Variants in IRAG1 observed in about 807,000 individuals in gnomAD.
IRAG1 encodes inositol 1,4,5-triphosphate receptor associated 1.
A neutral mutation model predicts 106.2 loss-of-function variants in IRAG1; 62 were observed. The ratio of observed to expected loss-of-function variants is 0.58; its 90% CI spans 0.48 to 0.72. The LOEUF (loss-of-function observed/expected upper bound fraction) is 0.72, where lower values mean the gene tolerates loss of function less well. IRAG1 is among the 30% of genes least tolerant of loss of function. IRAG1 has a pLI of 0.00. For synonymous variants in IRAG1, 462 were observed against 443.9 expected, an observed-to-expected ratio of 1.04 and a Z score of -0.51; for missense variants, 1,064 against 1,140.7, an observed-to-expected ratio of 0.93 and a Z score of 0.97.
intron 2 of IRAG1, among the ~76,000 whole-genome samples, chr11:10,637,081 C>T (rs1857199755): frequency 6.6e-6 from 1 of 152,226 alleles, no homozygotes; most frequent in African/African-American, 2.4e-5. Flanking sequence ...TTGAGAATAA[C>T]TTAACTACCC....
chr11:10,690,270 A>T, intron 1 of IRAG1: 1 of 562,466 alleles, frequency 1.8e-6, no homozygotes, highest in Non-Finnish European at 2.8e-6. Context: ...CTCACCTGTA[A>T]TCCCAGCTAC....
intron 1 of IRAG1, among the ~76,000 whole-genome samples, chr11:10,664,060 G>A (rs1291625712): frequency 6.6e-6 from 1 of 152,168 alleles, no homozygotes; most frequent in African/African-American, 2.4e-5. Flanking sequence ...ATTAGGAGAT[G>A]TTTTTTGATA....
At chr11:10,678,163 G>A (rs1564941224) in intron 1 of IRAG1, among the ~76,000 whole-genome samples, 3 of 152,128 alleles carry the variant, frequency 2.0e-5, no homozygotes. Flanking sequence ...TTGAACACCT[G>A]TTTTCAATTC....
chr11:10,589,283 A>G (rs1852374867), intron 18 of IRAG1: 2 of 152,184 alleles, frequency 1.3e-5, no homozygotes, highest in African/African-American at 4.8e-5. Context: ...ACTATAACAC[A>G]TTATTTCTCT....
intron 2 of IRAG1, among the ~76,000 whole-genome samples, chr11:10,641,065 G>A (rs143600944): frequency 9.0e-4 from 137 of 152,186 alleles, no homozygotes; most frequent in Admixed American, 3.7e-3. Flanking sequence ...TCTCTCGACT[G>A]AATCTTGCTA....
At position 10,576,068 on chromosome 11, in the gene IRAG1, C is replaced by A; in HGVS notation, c.*264G>T. ...GCCACCTGAGCTAGGGGCAGGAGAC[C>A]TTCCCTTCCAATAGAGTTCCTTGGT... On this transcript the variant is annotated 3_prime_UTR_variant, in exon 21 of 21. Coordinates refer to ENST00000423302, the MANE Select transcript of IRAG1 (RefSeq NM_130385.4). 1 of 474,700 alleles carries A rather than the reference C, an allele frequency of 2.1e-6. No individual in the cohort carries two copies. Among genetic ancestry groups the A allele is most frequent in the East Asian group, 3.8e-5 (1 of 26,622 alleles). 29.4% of individuals were successfully genotyped at this position (474,700 alleles called of 1,614,324 possible).
chr11:10,598,973 A>G (rs946539578), intron 15 of IRAG1, among the ~76,000 whole-genome samples: 1 of 152,256 alleles, frequency 6.6e-6, no homozygotes, highest in Admixed American at 6.5e-5. Flanking sequence ...GAACAGTCAT[A>G]GAGTATCTTA....
At chr11:10,595,188 G>T (rs1471387124) in intron 15 of IRAG1, among the ~76,000 whole-genome samples, 1 of 149,840 alleles carries the variant, frequency 6.7e-6, no homozygotes, top group African/African-American at 2.5e-5. Context: ...GCCGCCCAAG[G>T]TGCTAGAATT....
At chr11:10,587,952 T>C (rs1429323160) in intron 18 of IRAG1, among the ~76,000 whole-genome samples, 4 of 152,218 alleles carry the variant, frequency 2.6e-5, no homozygotes, top group Admixed American at 6.5e-5. Flanking sequence ...TCCTCATCTA[T>C]AAAACAGAGA....
chr11:10,677,174 G>A (rs979541642), intron 1 of IRAG1, among the ~76,000 whole-genome samples: 2 of 151,954 alleles, frequency 1.3e-5, no homozygotes, highest in East Asian at 3.9e-4. Context: ...ACTCTGAAAC[G>A]CTCCCTCCAC....
chr11:10,688,543 C>A (rs1861831444), intron 1 of IRAG1, among the ~76,000 whole-genome samples: 3 of 152,048 alleles, frequency 2.0e-5, no homozygotes, highest in African/African-American at 7.2e-5. Flanking sequence ...CTCTGGGAAC[C>A]ACATCCCACC....
At chr11:10,578,037 CA>C (rs35666196) in intron 20 of IRAG1, among the ~76,000 whole-genome samples, 1,998 of 152,268 alleles carry the variant, frequency 0.013, 26 homozygotes, top group Middle Eastern at 0.02. Flanking sequence ...TCCTCCAAAA[CA>C]AGGTGCCAGA....
intron 8 of IRAG1, among the ~76,000 whole-genome samples, 157 bp downstream of exon 8, chr11:10,627,559 A>G (rs1016877889): frequency 1.3e-5 from 2 of 151,744 alleles, no homozygotes; most frequent in Non-Finnish European, 2.9e-5. Flanking sequence ...TCTAGTCACT[A>G]TAAGGCAGGG....
intron 13 of IRAG1, 67 bp downstream of exon 13, chr11:10,604,338 A>G: frequency 6.3e-7 from 1 of 1,592,972 alleles, no homozygotes; most frequent in Non-Finnish European, 8.6e-7. Context: ...GAGAAGCATG[A>G]CACCCTGTAT....
intron 10 of IRAG1, among the ~76,000 whole-genome samples, chr11:10,620,304 T>G (rs942085687): frequency 1.3e-5 from 2 of 152,034 alleles, no homozygotes; most frequent in Admixed American, 1.3e-4. Context: ...TTACAATTCC[T>G]CTAAAATAAC....
rs11403147 is a variant in IRAG1 at position 10,685,726 on chromosome 11, G to GAAAA, written c.67+7806_67+7809dup. ...GTCAGAGTGAGACCCTGCCTCTCTT[G>GAAAA]AAAAAAAAAAAAAAAAATTGTATAC... is the stretch of plus-strand genomic sequence containing the variant. On this transcript the variant is annotated intron_variant, in intron 1 of 20. Coordinates refer to ENST00000423302, the MANE Select transcript of IRAG1 (RefSeq NM_130385.4). Among the ~76,000 whole-genome samples the GAAAA allele has an allele frequency of 1.5e-3, 207 of 135,822 alleles. 2 individuals are homozygous for GAAAA. The highest frequency in any genetic ancestry group is 0.015 in the Middle Eastern group (4 of 264). 89.1% of individuals were successfully genotyped at this position (135,822 alleles called of 152,430 possible).
At chr11:10,682,576 G>C (rs1861346112) in intron 1 of IRAG1, among the ~76,000 whole-genome samples, 1 of 152,092 alleles carries the variant, frequency 6.6e-6, no homozygotes. Flanking sequence ...TAACTGCAAG[G>C]AAATGGGGCT....
At position 10,622,076 on chromosome 11, in the gene IRAG1, T is replaced by C. The variant is rs115151358; in HGVS notation, c.1447+1702A>G. ...ATGTACTTACTGCCACTGAACTGTA[T>C]ACTTAAAAATGGCTAAAATGGCAAG... On this transcript the variant is annotated intron_variant, in intron 10 of 20. Transcript: ENST00000423302. Among the ~76,000 whole-genome samples the C allele has an allele frequency of 9.9e-3, 1,504 of 152,320 alleles. 31 individuals are homozygous for C. The highest frequency in any genetic ancestry group is 0.034 in the African/African-American group (1,408 of 41,566).
At chr11:10,682,729 G>C (rs186845098) in intron 1 of IRAG1, among the ~76,000 whole-genome samples, 1 of 152,336 alleles carries the variant, frequency 6.6e-6, no homozygotes, top group Non-Finnish European at 1.5e-5. Context: ...AGGCAGGACA[G>C]AAAGACAACT....
Sources: gnomAD v4.1 joint callset for allele counts (sites outside exome capture counted in the v4.1 genomes callset) on GRCh38, gnomAD v4.1.1 for gene constraint, MANE v1.5 for transcripts, NCBI Gene and HGNC (gene_info 2026-07-23, HGNC 2026-07-21) for gene names.